Variants in DOCK8 observed in about 807,000 individuals in gnomAD.
DOCK8 encodes dedicator of cytokinesis 8, also known as dedicator of cytokinesis protein 8.
Under a neutral mutation model 245.6 loss-of-function variants are expected in DOCK8, and 141 were observed. That is an observed-to-expected ratio of 0.57 (90% CI 0.50 to 0.66). The LOEUF is 0.66. DOCK8 is among the 30% of genes least tolerant of loss of function. DOCK8 has a pLI of 0.00. For missense variants in DOCK8, 2,965 were observed against 2,603.4 expected, an observed-to-expected ratio of 1.14 and a Z score of -3.02; for synonymous variants, 1,168 against 970.2, an observed-to-expected ratio of 1.20 and a Z score of -3.79.
chr9:396,927 C>T lies in DOCK8; in HGVS notation c.3113C>T (p.Pro1038Leu), dbSNP rs148929748. The T allele has an allele frequency of 3.7e-6, 6 of 1,613,764 alleles. No individual in the cohort carries two copies. Among genetic ancestry groups the T allele is most frequent in the Non-Finnish European group, 5.1e-6 (6 of 1,179,792 alleles). ...GAAATTGCAGCCCTTTTAGTAAAAC[C>T]ACAGAAGGTAACTGTATTTTACTCT... ...TSEIAALLVK[P>L]QKENEQAEKM... The change falls in exon 25 of 48, where the codon CCA (proline) becomes CTA (leucine). Residue 1038 changes from proline to leucine, a missense_variant. By Grantham distance (98) the Pro-to-Leu change is moderately conservative. Coordinates refer to ENST00000432829, the MANE Select transcript of DOCK8 (RefSeq NM_203447.4).
intron 1 of DOCK8, among the ~76,000 whole-genome samples, chr9:227,851 A>T (rs1196131368): frequency 6.6e-6 from 1 of 152,130 alleles, no homozygotes; most frequent in Non-Finnish European, 1.5e-5. Context: ...CAAAAAGAAG[A>T]GATACGAAAA....
chr9:463,721 G>A (rs1170411986), intron 47 of DOCK8, 34 bp downstream of exon 47: 15 of 1,612,816 alleles, frequency 9.3e-6, no homozygotes, highest in Non-Finnish European at 1.2e-5. Flanking sequence ...TCTTCCTGTG[G>A]GATAAAGAGC....
At chr9:389,474 A>ATG (rs1377962259) in intron 23 of DOCK8, among the ~76,000 whole-genome samples, 2 of 152,068 alleles carry the variant, frequency 1.3e-5, no homozygotes, top group East Asian at 3.9e-4. Flanking sequence ...TCCTCTCATA[A>ATG]ACCCCACCGA....
chr9:428,344 G>A lies in DOCK8; in HGVS notation c.4339-18G>A, dbSNP rs1242413931. ...CACAGTGCAGGGATTCAATGATGCT[G>A]TTCTTCCATTCCCCCAGGCGAGCTC... On this transcript the variant is annotated intron_variant, in intron 34 of 47. Coordinates refer to ENST00000432829, the MANE Select transcript of DOCK8 (RefSeq NM_203447.4). The A allele has an allele frequency of 1.9e-6, 3 of 1,614,020 alleles. No individual in the cohort carries two copies. The highest frequency in any genetic ancestry group is 2.5e-6 in the Non-Finnish European group (3 of 1,180,030).
intron 14 of DOCK8, among the ~76,000 whole-genome samples, chr9:342,554 C>A (rs555117567): frequency 2.6e-4 from 39 of 151,266 alleles, no homozygotes; most frequent in African/African-American, 9.0e-4. Context: ...ACTGCAACCT[C>A]CGCCTCACAG....
intron 2 of DOCK8, among the ~76,000 whole-genome samples, chr9:274,066 A>T (rs2048246836): frequency 6.6e-6 from 1 of 152,198 alleles, no homozygotes; most frequent in African/African-American, 2.4e-5. Context: ...TATTTTATGT[A>T]AAGTTACAAA....
intron 1 of DOCK8, among the ~76,000 whole-genome samples, chr9:217,079 A>G (rs1004075567): frequency 4.6e-5 from 7 of 152,200 alleles, no homozygotes; most frequent in Non-Finnish European, 2.9e-5. Context: ...CGAATTGCCA[A>G]GTGCTGGATG....
At chr9:455,604 T>C (rs2057611465) in intron 46 of DOCK8, among the ~76,000 whole-genome samples, 1 of 152,174 alleles carries the variant, frequency 6.6e-6, no homozygotes. Flanking sequence ...GTGATGCTGC[T>C]GCTGCTACAC....
chr9:399,217 T>A lies in DOCK8; in HGVS notation c.3192T>A (p.Asp1064Glu). 4 of 1,613,950 alleles carry A rather than the reference T, an allele frequency of 2.5e-6. No homozygotes were observed. Among genetic ancestry groups the A allele is most frequent in the Non-Finnish European group, 3.4e-6 (4 of 1,179,976 alleles). ...FFLYDLLSLMDRGFVFNLIRH... is the reference protein window; with the variant it reads ...FFLYDLLSLMERGFVFNLIRH... Reference sequence around the variant, plus strand: ...TGTATGACCTTCTCTCCCTCATGGATCGGGGCTTTGTGTTTAACCTCATCA... The same window carrying A: ...TGTATGACCTTCTCTCCCTCATGGAACGGGGCTTTGTGTTTAACCTCATCA... Residue 1064 changes from aspartate to glutamate, a missense_variant, in exon 26 of 48, where the codon GAT becomes GAA. Physicochemically the swap from Asp to Glu is conservative, Grantham distance 45 (BLOSUM62 2). This residue lies in a region of DOCK8 where 2,825 missense variants were observed against 2,453.5 expected (regional missense o/e 1.15). Transcript: ENST00000432829.
chr9:392,391 A>G (rs1352967541), intron 24 of DOCK8, among the ~76,000 whole-genome samples: 4 of 152,180 alleles, frequency 2.6e-5, no homozygotes, highest in Non-Finnish European at 5.9e-5. Context: ...GAAGTTTTGC[A>G]AAGTCCCAAC....
At chr9:241,135 G>C (rs2047365249) in intron 1 of DOCK8, among the ~76,000 whole-genome samples, 1 of 152,036 alleles carries the variant, frequency 6.6e-6, no homozygotes, top group Non-Finnish European at 1.5e-5. Context: ...ATTCATGGTG[G>C]TACATAGTGA....
intron 1 of DOCK8, among the ~76,000 whole-genome samples, chr9:261,394 A>C (rs993629812): frequency 6.6e-6 from 1 of 152,354 alleles, no homozygotes; most frequent in East Asian, 1.9e-4. Context: ...TGTTATTTGC[A>C]AAAACAAATA....
At chr9:437,910 C>A (rs2056956352) in intron 39 of DOCK8, among the ~76,000 whole-genome samples, 1 of 152,214 alleles carries the variant, frequency 6.6e-6, no homozygotes, top group Non-Finnish European at 1.5e-5. Flanking sequence ...GCTAATGAGG[C>A]TACATAGCTT....
At chr9:361,425 T>G (rs1423956593) in intron 14 of DOCK8, among the ~76,000 whole-genome samples, 1 of 152,206 alleles carries the variant, frequency 6.6e-6, no homozygotes, top group Non-Finnish European at 1.5e-5. Flanking sequence ...GGTAAGAAGA[T>G]CATCTTAATT....
chr9:377,069 G>T lies in DOCK8; in HGVS notation c.2298G>T (p.Glu766Asp). ...PIRVLDQKIS[E>D]MALEHELKLS... Reference sequence around the variant, plus strand: ...GCGTGCTGGATCAGAAAATCAGCGAGATGGCGCTGGAGCATGAGCTGAAGC... The same window carrying T: ...GCGTGCTGGATCAGAAAATCAGCGATATGGCGCTGGAGCATGAGCTGAAGC... The change falls in exon 20 of 48, where the codon GAG (glutamate) becomes GAT (aspartate). Residue 766 changes from glutamate (E) to aspartate (D), a missense_variant. Around this residue, in one of 3 missense-constraint regions of DOCK8, gnomAD observed 2,825 missense variants for 2,453.5 expected, o/e 1.15. Coordinates refer to ENST00000432829, the MANE Select transcript of DOCK8 (RefSeq NM_203447.4). The T allele has an allele frequency of 1.2e-6, 2 of 1,613,384 alleles. No individual in the cohort carries two copies. Among genetic ancestry groups the T allele is most frequent in the Non-Finnish European group, 1.7e-6 (2 of 1,180,012 alleles).
chr9:446,996 A>G (rs1289691546), intron 44 of DOCK8, among the ~76,000 whole-genome samples: 1 of 152,032 alleles, frequency 6.6e-6, no homozygotes, highest in African/African-American at 2.4e-5. Flanking sequence ...GCTGTTAATT[A>G]TTGGAGACGG....
intron 14 of DOCK8, among the ~76,000 whole-genome samples, chr9:342,261 T>C (rs2051636758): frequency 6.6e-6 from 1 of 151,574 alleles, no homozygotes; most frequent in Non-Finnish European, 1.5e-5. Flanking sequence ...ACACTTTGTT[T>C]TTGTCACTCA....
intron 42 of DOCK8, 137 bp downstream of exon 42, chr9:442,146 TA>T: frequency 2.4e-6 from 3 of 1,246,662 alleles, no homozygotes; most frequent in Non-Finnish European, 3.4e-6. Context: ...CCTTTGCATT[TA>T]TAAAAGGCAA....
chr9:288,888 T>C (rs188870779), intron 3 of DOCK8, among the ~76,000 whole-genome samples: 1 of 152,366 alleles, frequency 6.6e-6, no homozygotes, highest in Admixed American at 6.5e-5. Context: ...GCCTGTTTAT[T>C]TCTGGTACTA....
Sources: allele counts gnomAD v4.1 joint callset (sites outside exome capture counted in the v4.1 genomes callset), GRCh38; gene constraint gnomAD v4.1.1; regional missense constraint gnomAD v4.1.1; transcripts MANE v1.5; gene names NCBI Gene and HGNC (gene_info 2026-07-23, HGNC 2026-07-21).